The following ADCY2 variants were observed in gnomAD, a reference collection of about 807,000 sequenced individuals.
The protein encoded by ADCY2 is adenylate cyclase type 2.
A neutral mutation model predicts 125.2 loss-of-function variants in ADCY2; 31 were observed. That is an observed-to-expected ratio of 0.25 (90% CI 0.19 to 0.33). The LOEUF (loss-of-function observed/expected upper bound fraction) is 0.33. Ranked by LOEUF, ADCY2 falls within the 10% of genes least tolerant of loss-of-function variation. ADCY2 has a pLI of 1.00. For missense variants in ADCY2, 904 were observed against 1,418.2 expected, an observed-to-expected ratio of 0.64 and a Z score of 5.82; for synonymous variants, 512 against 548.4, an observed-to-expected ratio of 0.93 and a Z score of 0.93.
At chr5:7,640,518 C>T (rs994720290) in intron 4 of ADCY2, among the ~76,000 whole-genome samples, 6 of 152,106 alleles carry the variant, frequency 3.9e-5, no homozygotes, top group African/African-American at 1.4e-4. Context: ...AAAGAATTGA[C>T]AGATCTCTCA....
At chr5:7,812,836 G>A (rs1218833039) in intron 22 of ADCY2, among the ~76,000 whole-genome samples, 1 of 152,208 alleles carries the variant, frequency 6.6e-6, no homozygotes, top group Non-Finnish European at 1.5e-5. Flanking sequence ...CTTTAGCCTG[G>A]GAGGCGGAGG....
At chr5:7,733,976 C>A (rs1742177215) in intron 14 of ADCY2, among the ~76,000 whole-genome samples, 1 of 151,030 alleles carries the variant, frequency 6.6e-6, no homozygotes, top group African/African-American at 2.5e-5. Flanking sequence ...CTCCTTTCAA[C>A]TTTTGATTCT....
At chr5:7,404,451 A>G (rs374367493) in intron 1 of ADCY2, among the ~76,000 whole-genome samples, 2 of 152,206 alleles carry the variant, frequency 1.3e-5, no homozygotes, top group African/African-American at 2.4e-5. Flanking sequence ...TGCTCAAGAT[A>G]CACGGTAAAG....
chr5:7,504,566 T>C lies in ADCY2; in HGVS notation c.409-16172T>C, dbSNP rs541313736. Among the ~76,000 whole-genome samples the C allele has an allele frequency of 1.4e-4, 21 of 152,194 alleles. No homozygotes were observed. The South Asian group carries it at 3.9e-3, about 29-fold the overall frequency. On this transcript the variant is annotated intron_variant, in intron 2 of 24. Transcript: ENST00000338316. ...CTGTTCAGCAAGAAGTACCATTTTT[T>C]CTTATCTTTGAAGTGATTTCTTTCT...
intron 3 of ADCY2, among the ~76,000 whole-genome samples, chr5:7,561,849 G>A (rs967578607): frequency 2.0e-5 from 3 of 152,056 alleles, no homozygotes; most frequent in East Asian, 1.9e-4. Flanking sequence ...CTAACCAGAC[G>A]GAATTATTCA....
chr5:7,659,789 C>A (rs951738987), intron 4 of ADCY2, among the ~76,000 whole-genome samples: 7 of 152,222 alleles, frequency 4.6e-5, no homozygotes, highest in African/African-American at 1.7e-4. Context: ...AACTGTGGCC[C>A]AGCTACACAC....
intron 15 of ADCY2, among the ~76,000 whole-genome samples, chr5:7,753,574 C>T (rs1302648649): frequency 6.6e-6 from 1 of 152,136 alleles, no homozygotes; most frequent in South Asian, 2.1e-4. Flanking sequence ...CATTTTTCCA[C>T]CAGAGCCTTT....
intron 1 of ADCY2, among the ~76,000 whole-genome samples, chr5:7,404,425 A>C (rs1739393052): frequency 6.6e-6 from 1 of 152,210 alleles, no homozygotes; most frequent in African/African-American, 2.4e-5. Context: ...ACACAACACA[A>C]CAAATGTTTA....
At chr5:7,563,460 C>A (rs1735789647) in intron 3 of ADCY2, among the ~76,000 whole-genome samples, 1 of 152,126 alleles carries the variant, frequency 6.6e-6, no homozygotes, top group African/African-American at 2.4e-5. Context: ...GCTCCAAAGG[C>A]ACTCGTTTTT....
intron 22 of ADCY2, among the ~76,000 whole-genome samples, chr5:7,815,961 G>A (rs1339602487): frequency 1.3e-5 from 2 of 152,272 alleles, no homozygotes; most frequent in East Asian, 1.9e-4. Flanking sequence ...TCCCCCTGTC[G>A]GGCCTCTTTC....
At chr5:7,678,850 A>G (rs1411840180) in intron 4 of ADCY2, among the ~76,000 whole-genome samples, 3 of 152,224 alleles carry the variant, frequency 2.0e-5, no homozygotes, top group African/African-American at 4.8e-5. Flanking sequence ...GGCTTCTGTC[A>G]TTGAAAAATC....
intron 2 of ADCY2, among the ~76,000 whole-genome samples, chr5:7,459,778 T>A (rs1741846457): frequency 1.0e-5 from 1 of 96,536 alleles, no homozygotes; most frequent in African/African-American, 7.0e-5. Context: ...GGTAATTTTT[T>A]TTTTTTTTTT....
At chr5:7,627,828 AGGCAT>A (rs1229006591) in intron 4 of ADCY2, among the ~76,000 whole-genome samples, 8 of 152,220 alleles carry the variant, frequency 5.3e-5, no homozygotes, top group African/African-American at 1.9e-4. Flanking sequence ...AGGCTGTGGC[AGGCAT>A]GGCTCTAGGC....
chr5:7,603,784 CTTT>C, intron 3 of ADCY2, among the ~76,000 whole-genome samples: 1,086 of 62,738 alleles, frequency 0.017, 1 homozygote, highest in Middle Eastern at 0.038. Context: ...TGCTCTCTTT[CTTT>C]TTTTTTTTTT....
At chr5:7,652,370 A>G (rs1266914266) in intron 4 of ADCY2, among the ~76,000 whole-genome samples, 1 of 152,170 alleles carries the variant, frequency 6.6e-6, no homozygotes, top group Non-Finnish European at 1.5e-5. Flanking sequence ...AATTGGAGCT[A>G]TTTTTCTTGC....
At chr5:7,740,192 T>A (rs1742368953) in intron 14 of ADCY2, among the ~76,000 whole-genome samples, 1 of 151,774 alleles carries the variant, frequency 6.6e-6, no homozygotes. Flanking sequence ...GCTTATAGAA[T>A]AAAGGAAATA....
chr5:7,511,879 C>T (rs1737230926), intron 2 of ADCY2, among the ~76,000 whole-genome samples: 1 of 151,742 alleles, frequency 6.6e-6, no homozygotes, highest in Non-Finnish European at 1.5e-5. Flanking sequence ...CATGAGAGAC[C>T]CTTATTGGCA....
chr5:7,821,763 G>A (rs907525594), intron 24 of ADCY2, among the ~76,000 whole-genome samples: 5 of 152,374 alleles, frequency 3.3e-5, no homozygotes, highest in African/African-American at 1.2e-4. Context: ...TAAGAAAGGT[G>A]TGGAACTGGA....
At chr5:7,522,761 A>G (rs1179812443) in intron 3 of ADCY2, 4 of 30,214 alleles carry the variant, frequency 1.3e-4, no homozygotes, top group Admixed American at 8.8e-4. Context: ...AAAAAAAAAA[A>G]AAAAAAAAAA....
Sources: gnomAD v4.1 joint callset for allele counts (sites outside exome capture counted in the v4.1 genomes callset) on GRCh38, gnomAD v4.1.1 for gene constraint, MANE v1.5 for transcripts, NCBI Gene and HGNC (gene_info 2026-07-23, HGNC 2026-07-21) for gene names.